RBM38: variants seen among roughly 807,000 people sequenced by gnomAD.
RBM38 encodes the protein RNA-binding protein 38.
In RBM38, 11 loss-of-function variants were observed where a neutral mutation model predicts 23.5. That is an observed-to-expected ratio of 0.47 (90% CI 0.29 to 0.77). The LOEUF (loss-of-function observed/expected upper bound fraction) is 0.77. Among genes scored for constraint, RBM38 ranks in the 30% least tolerant of loss-of-function variants. The probability of loss-of-function intolerance (pLI) is 0.08; values close to 1 mark genes in which losing one functional copy is unlikely to be tolerated. For missense variants in RBM38, 330 were observed against 351.9 expected (o/e 0.94, Z 0.50); for synonymous variants, 165 against 166.1 (o/e 0.99, Z 0.05).
Position 57,393,022 on chromosome 20 carries a change from C to T in RBM38, c.361+245C>T, listed in dbSNP as rs1198482705. On this transcript the variant is annotated intron_variant, in intron 2 of 3. Transcript: ENST00000356208. ...GCACCCCAGTTGCCAGCTGTCCTCGCAGGAGGGAGGAAGTGGCCATGGGGC... is the reference window on the plus strand; with the variant it reads ...GCACCCCAGTTGCCAGCTGTCCTCGTAGGAGGGAGGAAGTGGCCATGGGGC... The T allele has an allele frequency of 3.2e-5, 21 of 665,762 alleles. No homozygotes were observed. In the Admixed American group the frequency reaches 5.0e-4, roughly 16 times the overall value. 41.2% of individuals were successfully genotyped at this position (665,762 alleles called of 1,614,324 possible). A position where few individuals can be genotyped will look rare whatever the true frequency, so the allele number is the denominator to read the frequency against.
At position 57,396,100 on chromosome 20, in the gene RBM38, C is replaced by T. The variant is rs2146205957; in HGVS notation, c.416+2767C>T. ...TGGAATCTTCTTCGCCTGGCTGGGT[C>T]TTAAATGTTAGTTTAGAATGATTTA... On this transcript the variant is annotated intron_variant, in intron 3 of 3. Coordinates refer to ENST00000356208, the MANE Select transcript of RBM38 (RefSeq NM_017495.6). Among the ~76,000 whole-genome samples the T allele has an allele frequency of 1.3e-5, 2 of 152,366 alleles. 1 individual carries two copies. The highest frequency in any genetic ancestry group is 4.1e-4 in the South Asian group (2 of 4,834).
intron 3 of RBM38, among the ~76,000 whole-genome samples, chr20:57,400,618 G>A (rs1205585337): frequency 6.6e-6 from 1 of 152,174 alleles, no homozygotes; most frequent in Non-Finnish European, 1.5e-5. Flanking sequence ...CGTTGCAGTG[G>A]GGCTTGGGTG....
intron 3 of RBM38, among the ~76,000 whole-genome samples, chr20:57,395,981 C>G (rs1185452742): frequency 2.6e-5 from 4 of 152,212 alleles, no homozygotes; most frequent in African/African-American, 9.6e-5. Flanking sequence ...CCGTGCCTGG[C>G]TGAACTCTTC....
chr20:57,401,952 G>A (rs577698468), intron 3 of RBM38, among the ~76,000 whole-genome samples: 3 of 151,958 alleles, frequency 2.0e-5, no homozygotes, highest in South Asian at 4.1e-4. Flanking sequence ...TGATGTTTTC[G>A]TTTGTTTGTT....
At chr20:57,404,422 C>T (rs747777455) in intron 3 of RBM38, among the ~76,000 whole-genome samples, 2 of 152,246 alleles carry the variant, frequency 1.3e-5, no homozygotes, top group Non-Finnish European at 2.9e-5. Flanking sequence ...TCAAAGCTTC[C>T]ATAGCCTCCT....
chr20:57,396,369 G>A (rs1228525597), intron 3 of RBM38, among the ~76,000 whole-genome samples: 1 of 152,242 alleles, frequency 6.6e-6, no homozygotes, highest in African/African-American at 2.4e-5. Context: ...TCACCTGCCG[G>A]TGGGAGGGGA....
chr20:57,400,346 G>T (rs1268513105), intron 3 of RBM38, among the ~76,000 whole-genome samples: 1 of 152,200 alleles, frequency 6.6e-6, no homozygotes, highest in Admixed American at 6.5e-5. Flanking sequence ...AGGGAGGCAG[G>T]CACCTCAGAT....
At chr20:57,406,919 G>A (rs368821088) in intron 3 of RBM38, among the ~76,000 whole-genome samples, 3 of 151,956 alleles carry the variant, frequency 2.0e-5, no homozygotes, top group African/African-American at 7.3e-5. Context: ...GCGTGAACCC[G>A]GGTGGCGGAG....
At chr20:57,403,404 C>T (rs1025887039) in intron 3 of RBM38, among the ~76,000 whole-genome samples, 23 of 152,210 alleles carry the variant, frequency 1.5e-4, no homozygotes, top group African/African-American at 4.1e-4. Context: ...TAACTTCAGC[C>T]GGTGTTCTCA....
At position 57,408,098 on chromosome 20, in the gene RBM38, C is replaced by T. The variant is rs1455570246; in HGVS notation, c.*252C>T. 5.3e-6 allele frequency: 3 copies of T among 563,330 alleles called. No individual in the cohort carries two copies. Among genetic ancestry groups the T allele is most frequent in the East Asian group, 3.0e-5 (1 of 33,040 alleles). 34.9% of individuals were successfully genotyped at this position (563,330 alleles called of 1,614,324 possible). A position where few individuals can be genotyped will look rare whatever the true frequency, so the allele number is the denominator to read the frequency against. ...TGAGAACTATTTAAAGACGCAATCC[C>T]AGGTTCCTTGCACACCATGGCAGCC... On this transcript the variant is annotated 3_prime_UTR_variant, in exon 4 of 4. Transcript: ENST00000356208.
intron 3 of RBM38, among the ~76,000 whole-genome samples, chr20:57,402,912 G>A (rs1029523972): frequency 1.3e-5 from 2 of 152,258 alleles, no homozygotes; most frequent in African/African-American, 4.8e-5. Flanking sequence ...AGGATCCCTT[G>A]TCTTTGCCCT....
intron 3 of RBM38, among the ~76,000 whole-genome samples, chr20:57,404,139 C>G (rs2146216940): frequency 6.6e-6 from 1 of 152,338 alleles, no homozygotes; most frequent in South Asian, 2.1e-4. Context: ...TGATGTGGGG[C>G]ATCAGAACCC....
chr20:57,405,196 C>G (rs936207639), intron 3 of RBM38, among the ~76,000 whole-genome samples: 1 of 152,216 alleles, frequency 6.6e-6, no homozygotes. Context: ...TTCCCCTGAG[C>G]CCCCCACTCT....
intron 3 of RBM38, among the ~76,000 whole-genome samples, chr20:57,402,640 T>C (rs1485687405): frequency 6.6e-6 from 1 of 152,238 alleles, no homozygotes; most frequent in Non-Finnish European, 1.5e-5. Flanking sequence ...GCATGGCGTG[T>C]GAGTGGGGAT....
chr20:57,400,452 G>T (rs1276887233), intron 3 of RBM38, among the ~76,000 whole-genome samples: 1 of 152,194 alleles, frequency 6.6e-6, no homozygotes, highest in Non-Finnish European at 1.5e-5. Flanking sequence ...GCATGGCCTG[G>T]CCTTTCCAGC....
At chr20:57,398,425 G>A (rs535546599) in intron 3 of RBM38, among the ~76,000 whole-genome samples, 90 of 152,310 alleles carry the variant, frequency 5.9e-4, no homozygotes, top group Non-Finnish European at 9.8e-4. Context: ...GGTGAGCACC[G>A]CAGGGCAGGG....
At chr20:57,396,054 C>T (rs1482688291) in intron 3 of RBM38, among the ~76,000 whole-genome samples, 1 of 152,252 alleles carries the variant, frequency 6.6e-6, no homozygotes, top group Non-Finnish European at 1.5e-5. Flanking sequence ...TCCCACAGCT[C>T]TGCTTTTAGG....
intron 1 of RBM38, 187 bp from the exon 2 acceptor site, chr20:57,392,467 G>T: frequency 6.5e-7 from 1 of 1,533,634 alleles, no homozygotes. Context: ...TGGAATCCAG[G>T]AGGCATCTTT....
At chr20:57,393,739 C>CCT (rs1374760930) in intron 3 of RBM38, among the ~76,000 whole-genome samples, 8 of 152,198 alleles carry the variant, frequency 5.3e-5, no homozygotes, top group Non-Finnish European at 2.9e-5. Context: ...CCCAGGCACT[C>CCT]CTCTCACCTG....
Sources: gnomAD v4.1 joint callset for allele counts (sites outside exome capture counted in the v4.1 genomes callset) on GRCh38, gnomAD v4.1.1 for gene constraint, MANE v1.5 for transcripts, NCBI Gene and HGNC (gene_info 2026-07-23, HGNC 2026-07-21) for gene names.